Variants in SYNPR observed in about 807,000 individuals in gnomAD.
SYNPR encodes synaptoporin.
A neutral mutation model predicts 32.9 loss-of-function variants in SYNPR; 23 were observed. The observed-to-expected ratio is 0.70, with a 90% CI of 0.50 to 0.99. The LOEUF (loss-of-function observed/expected upper bound fraction) is 0.99, where lower values mean the gene tolerates loss of function less well. SYNPR is among the 50% of genes least tolerant of loss of function. SYNPR has a pLI of 0.00. For missense variants in SYNPR, 318 were observed against 349.3 expected, an observed-to-expected ratio of 0.91 and a Z score of 0.71; for synonymous variants, 146 against 135.9, an observed-to-expected ratio of 1.07 and a Z score of -0.52.
intron 3 of SYNPR, among the ~76,000 whole-genome samples, chr3:63,500,635 A>AT (rs1335205744): frequency 1.3e-5 from 2 of 152,182 alleles, no homozygotes; most frequent in African/African-American, 4.8e-5. Context: ...AAATGCTGGC[A>AT]TTTTAAAACC....
At chr3:63,546,722 AG>A (rs937970633) in intron 3 of SYNPR, among the ~76,000 whole-genome samples, 1 of 152,004 alleles carries the variant, frequency 6.6e-6, no homozygotes, top group Non-Finnish European at 1.5e-5. Flanking sequence ...TGAAAAAAAA[AG>A]TTCCTCCTAT....
At chr3:63,200,716 A>C in the SYNPR span, among the ~76,000 whole-genome samples, 1 of 152,184 alleles carries the variant, frequency 6.6e-6, no homozygotes, top group Non-Finnish European at 1.5e-5. Flanking sequence ...ATCTTTCCCT[A>C]CATCAAGCTG....
the SYNPR span, among the ~76,000 whole-genome samples, chr3:63,221,005 C>T: frequency 6.6e-6 from 1 of 152,030 alleles, no homozygotes; most frequent in African/African-American, 2.4e-5. Context: ...CCAGTTGGAC[C>T]CTGATCAATG....
chr3:63,483,502 T>C (rs960034708), intron 3 of SYNPR, among the ~76,000 whole-genome samples: 3 of 152,176 alleles, frequency 2.0e-5, no homozygotes, highest in African/African-American at 7.2e-5. Context: ...GGATTACTTT[T>C]GGGGAAGGAT....
chr3:63,381,953 A>G (rs2087976394), intron 2 of SYNPR, among the ~76,000 whole-genome samples: 1 of 152,196 alleles, frequency 6.6e-6, no homozygotes, highest in African/African-American at 2.4e-5. Context: ...TACTAGTGTC[A>G]ACATTTTACC....
At chr3:63,609,952 G>C (rs1206229926) in intron 5 of SYNPR, among the ~76,000 whole-genome samples, 2 of 152,076 alleles carry the variant, frequency 1.3e-5, no homozygotes. Flanking sequence ...GTTGAAGTCA[G>C]ACAAAAGTTA....
chr3:63,211,584 A>G, the SYNPR span, among the ~76,000 whole-genome samples: 1 of 152,170 alleles, frequency 6.6e-6, no homozygotes, highest in Non-Finnish European at 1.5e-5. Flanking sequence ...CAAGGACTTT[A>G]GAGAGCTCAA....
chr3:63,339,114 A>C (rs551976383), intron 2 of SYNPR, among the ~76,000 whole-genome samples: 2 of 152,322 alleles, frequency 1.3e-5, no homozygotes, highest in South Asian at 4.1e-4. Flanking sequence ...ATTGCTTGGT[A>C]AAGCGCTGTT....
At chr3:63,254,062 C>T (rs2086361417) in intron 2 of SYNPR, among the ~76,000 whole-genome samples, 1 of 152,012 alleles carries the variant, frequency 6.6e-6, no homozygotes, top group East Asian at 1.9e-4. Context: ...CAAACTATCG[C>T]AAGGACAAAA....
intron 2 of SYNPR, chr3:63,445,559 AAG>A: frequency 2.9e-6 from 2 of 701,374 alleles, no homozygotes; most frequent in Non-Finnish European, 5.2e-6. Context: ...TGAAGAATGC[AAG>A]AGTCATTTCC....
intron 1 of SYNPR, among the ~76,000 whole-genome samples, chr3:63,246,466 C>G (rs1355846387): frequency 6.6e-6 from 1 of 152,006 alleles, no homozygotes; most frequent in Non-Finnish European, 1.5e-5. Flanking sequence ...GGTTCCTGAC[C>G]TCATGGAGAT....
At chr3:63,418,685 GT>G (rs2088572263) in intron 2 of SYNPR, among the ~76,000 whole-genome samples, 1 of 152,170 alleles carries the variant, frequency 6.6e-6, no homozygotes, top group Admixed American at 6.5e-5. Flanking sequence ...CAGGCAGAGA[GT>G]TTTGCAGGCA....
chr3:63,330,299 G>C (rs576083875), intron 2 of SYNPR: 8 of 152,022 alleles, frequency 5.3e-5, no homozygotes, highest in African/African-American at 1.7e-4. Flanking sequence ...TTTTCTAATT[G>C]TAAGTGTCAA....
chr3:63,327,997 G>T (rs2087185948), intron 2 of SYNPR, among the ~76,000 whole-genome samples: 1 of 152,254 alleles, frequency 6.6e-6, no homozygotes, highest in South Asian at 2.1e-4. Flanking sequence ...AGTAAATATT[G>T]TTAGCAAATT....
chr3:63,343,200 G>A (rs1165944586), intron 2 of SYNPR, among the ~76,000 whole-genome samples: 2 of 152,152 alleles, frequency 1.3e-5, no homozygotes, highest in African/African-American at 4.8e-5. Flanking sequence ...CAGAGACCAC[G>A]GGATGCAGTA....
At chr3:63,333,478 G>A (rs1242340998) in intron 2 of SYNPR, among the ~76,000 whole-genome samples, 1 of 152,148 alleles carries the variant, frequency 6.6e-6, no homozygotes, top group Non-Finnish European at 1.5e-5. Context: ...GTGCAGTGAA[G>A]TGATCACAGT....
At chr3:63,609,573 T>C (rs565597556) in intron 5 of SYNPR, among the ~76,000 whole-genome samples, 2 of 152,258 alleles carry the variant, frequency 1.3e-5, no homozygotes, top group South Asian at 2.1e-4. Flanking sequence ...GCTGCTTAGG[T>C]GACAGTCCAG....
At chr3:63,232,403 A>T (rs971632347) in intron 1 of SYNPR, among the ~76,000 whole-genome samples, 1 of 151,866 alleles carries the variant, frequency 6.6e-6, no homozygotes, top group Non-Finnish European at 1.5e-5. Flanking sequence ...CGTTTTTGCC[A>T]TGTTGGCCAG....
chr3:63,291,327 C>T (rs6791795), intron 2 of SYNPR, among the ~76,000 whole-genome samples: 6 of 152,094 alleles, frequency 3.9e-5, no homozygotes, highest in African/African-American at 1.4e-4. Context: ...GAATAAACAA[C>T]TGTAACACAG....
Sources: allele counts gnomAD v4.1 joint callset (sites outside exome capture counted in the v4.1 genomes callset), GRCh38; gene constraint gnomAD v4.1.1; transcripts MANE v1.5; gene names NCBI Gene and HGNC (gene_info 2026-07-23, HGNC 2026-07-21).